The following PCDHA1 variants were observed in gnomAD, a reference collection of about 807,000 sequenced individuals.
PCDHA1 encodes the protein protocadherin alpha 1.
Under a neutral mutation model 61.3 loss-of-function variants are expected in PCDHA1, and 42 were observed. That is an observed-to-expected ratio of 0.69 (90% CI 0.54 to 0.89). The LOEUF is 0.89. Ranked by LOEUF, PCDHA1 falls within the 40% of genes least tolerant of loss-of-function variation. The probability of loss-of-function intolerance (pLI) is 0.00; values close to 1 mark genes in which losing one functional copy is unlikely to be tolerated. For synonymous variants in PCDHA1, 610 were observed against 553.8 expected, an observed-to-expected ratio of 1.10 and a Z score of -1.43; for missense variants, 1,256 against 1,235.3, an observed-to-expected ratio of 1.02 and a Z score of -0.25.
intron 1 of PCDHA1, chr5:140,814,348 C>A: frequency 6.6e-6 from 1 of 152,230 alleles, no homozygotes; most frequent in South Asian, 2.0e-4. Flanking sequence ...TCTTCTGGGG[C>A]AGTTACACAT....
intron 1 of PCDHA1, among the ~76,000 whole-genome samples, chr5:140,945,952 G>A (rs2093866662): frequency 6.6e-6 from 1 of 151,910 alleles, no homozygotes; most frequent in African/African-American, 2.4e-5. Context: ...ATATGACCCT[G>A]AAAGCACAGG....
intron 1 of PCDHA1, among the ~76,000 whole-genome samples, chr5:140,792,841 G>A (rs1761733123): frequency 6.6e-6 from 1 of 152,126 alleles, no homozygotes; most frequent in African/African-American, 2.4e-5. Flanking sequence ...ATGCTGTAAC[G>A]AGCAGTTCTG....
At chr5:140,877,380 C>T (rs372220347) in intron 1 of PCDHA1, 25 of 1,613,862 alleles carry the variant, frequency 1.5e-5, no homozygotes, top group Middle Eastern at 1.6e-4. Context: ...CGACACGCAT[C>T]CTGGATGAGG....
intron 1 of PCDHA1, among the ~76,000 whole-genome samples, chr5:140,820,168 C>T (rs2150106107): frequency 1.3e-5 from 2 of 151,832 alleles, no homozygotes; most frequent in East Asian, 3.9e-4. Flanking sequence ...AACTATTAGG[C>T]AAATAGTCTG....
At chr5:140,834,199 G>T in intron 1 of PCDHA1, 2 of 595,406 alleles carry the variant, frequency 3.4e-6, no homozygotes, top group South Asian at 2.6e-5. Flanking sequence ...GCTCTTTACC[G>T]CAAATTCTTT....
At chr5:140,911,892 G>A (rs2075679347) in intron 1 of PCDHA1, among the ~76,000 whole-genome samples, 1 of 152,176 alleles carries the variant, frequency 6.6e-6, no homozygotes. Flanking sequence ...ACCAAAATCT[G>A]TATTAGTCAG....
Position 140,787,368 on chromosome 5 carries a change from A to G in PCDHA1, c.1078A>G (p.Arg360Gly), listed in dbSNP as rs34575154. Residue 360 changes from arginine (R) to glycine (G), a missense_variant, in exon 1 of 4, where the codon AGA becomes GGA. By Grantham distance (125) the Arg-to-Gly change is moderately radical. Coordinates refer to ENST00000504120, the MANE Select transcript of PCDHA1 (RefSeq NM_018900.4). ...GGTCACTTCATTGTATTTGCCTATCAGAGAGGACGCTCCACTCAGCACCGT... is the reference window on the plus strand; with the variant it reads ...GGTCACTTCATTGTATTTGCCTATCGGAGAGGACGCTCCACTCAGCACCGT... ...LAVTSLYLPI[R>G]EDAPLSTVIA... 3.0e-3 allele frequency: 4,907 copies of G among 1,614,210 alleles called. 120 individuals are homozygous for G. In the African/African-American group the frequency reaches 0.055, roughly 18 times the overall value.
At chr5:140,993,777 G>A (rs1397168086) in intron 3 of PCDHA1, among the ~76,000 whole-genome samples, 1 of 152,042 alleles carries the variant, frequency 6.6e-6, no homozygotes, top group Non-Finnish European at 1.5e-5. Flanking sequence ...GCAGTATTTT[G>A]TACAGTAACA....
intron 1 of PCDHA1, among the ~76,000 whole-genome samples, chr5:140,937,928 G>T (rs997116789): frequency 4.0e-5 from 6 of 148,604 alleles, no homozygotes; most frequent in Non-Finnish European, 8.9e-5. Context: ...AAAAAAAAAA[G>T]TTTAATTTGA....
At chr5:140,830,027 C>T (rs2150179874) in intron 1 of PCDHA1, 11 of 1,613,766 alleles carry the variant, frequency 6.8e-6, no homozygotes, top group Non-Finnish European at 8.5e-6. Context: ...TCCGCGCCAC[C>T]GGCTGCTGGT....
intron 1 of PCDHA1, among the ~76,000 whole-genome samples, chr5:140,953,053 T>G (rs1475683860): frequency 2.0e-5 from 3 of 152,142 alleles, no homozygotes; most frequent in African/African-American, 7.2e-5. Flanking sequence ...TCCAATCACC[T>G]CTCACAGGCC....
chr5:140,868,938 T>C, intron 1 of PCDHA1: 1 of 1,227,722 alleles, frequency 8.1e-7, no homozygotes. Context: ...AAGGTTGGTC[T>C]GAACAGTGAG....
At chr5:140,834,488 C>G in intron 1 of PCDHA1, 1 of 1,614,154 alleles carries the variant, frequency 6.2e-7, no homozygotes. Flanking sequence ...ACTACTCGGT[C>G]CCCGAGGAGG....
At chr5:140,822,633 C>G (rs143650923) in intron 1 of PCDHA1, 5 of 1,610,466 alleles carry the variant, frequency 3.1e-6, no homozygotes, top group Non-Finnish European at 4.2e-6. Flanking sequence ...TTGTTCTTGA[C>G]GATGTAAAGT....
intron 1 of PCDHA1, chr5:140,927,106 A>C (rs782151576): frequency 6.2e-7 from 1 of 1,613,678 alleles, no homozygotes; most frequent in Non-Finnish European, 8.5e-7. Context: ...GGATCTACCC[A>C]GCGGCAATTT....
chr5:140,897,104 C>A (rs1474457154), intron 1 of PCDHA1, among the ~76,000 whole-genome samples: 1 of 152,116 alleles, frequency 6.6e-6, no homozygotes, highest in Non-Finnish European at 1.5e-5. Flanking sequence ...TTAAAAATCT[C>A]CACTTTCTGT....
intron 1 of PCDHA1, chr5:140,836,900 T>C: frequency 3.4e-6 from 2 of 592,540 alleles, no homozygotes; most frequent in Non-Finnish European, 5.6e-6. Context: ...GAAGTACGTT[T>C]AATATACACT....
At position 140,967,456 on chromosome 5, in the gene PCDHA1, G is replaced by A. The variant is rs781877104; in HGVS notation, c.2395-11493G>A. On this transcript the variant is annotated intron_variant, in intron 1 of 3. Transcript: ENST00000504120. The stretch of plus-strand genomic sequence containing the variant: ...TGCACCACCTGGTTCTCACAGCCGT[G>A]GATGGGGGCATCCCAGCCCGCTCGG... 4.3e-6 allele frequency: 7 copies of A among 1,613,480 alleles called. No homozygotes were observed. The South Asian group carries it at 6.6e-5, about 15-fold the overall frequency.
Position 140,788,551 on chromosome 5 carries a change from G to C in PCDHA1, c.2261G>C (p.Arg754Thr), listed in dbSNP as rs968810223. Residue 754 changes from arginine (R) to threonine (T), a missense_variant, in exon 1 of 4, where the codon AGG (arginine) becomes ACG (threonine). Arg to Thr is a moderately conservative substitution (Grantham distance 71). Transcript: ENST00000504120. ...ALGSWSNSQQ[R>T]RQRVCSSEGP... Reference sequence around the variant, plus strand: ...GGGAGCTGGTCGAACTCACAGCAGAGGCGGCAGAGGGTGTGCTCTAGCGAG... The same window carrying C: ...GGGAGCTGGTCGAACTCACAGCAGACGCGGCAGAGGGTGTGCTCTAGCGAG... 1.2e-6 allele frequency: 2 copies of C among 1,614,144 alleles called. No homozygotes were observed. Among genetic ancestry groups the C allele is most frequent in the South Asian group, 2.2e-5 (2 of 91,074 alleles).
Sources: gnomAD v4.1 joint callset for allele counts (sites outside exome capture counted in the v4.1 genomes callset) on GRCh38, gnomAD v4.1.1 for gene constraint, MANE v1.5 for transcripts, NCBI Gene and HGNC (gene_info 2026-07-23, HGNC 2026-07-21) for gene names.